The following STIM2 variants were observed in gnomAD, a reference collection of about 807,000 sequenced individuals.
STIM2 encodes stromal interaction molecule 2.
In STIM2, 31 loss-of-function variants were observed where a neutral mutation model predicts 85.8. The ratio of observed to expected loss-of-function variants is 0.36; its 90% CI spans 0.27 to 0.49. STIM2 has a LOEUF of 0.49. Ranked by LOEUF, STIM2 falls within the 20% of genes least tolerant of loss-of-function variation. STIM2 has a pLI of 0.98. For missense variants in STIM2, 841 were observed against 927.6 expected (o/e 0.91, Z 1.21); for synonymous variants, 356 against 331.1 (o/e 1.08, Z -0.82).
intron 2 of STIM2, among the ~76,000 whole-genome samples, chr4:26,930,553 T>C (rs1725169499): frequency 6.6e-6 from 1 of 152,178 alleles, no homozygotes; most frequent in Non-Finnish European, 1.5e-5. Context: ...AAAAGTCCAT[T>C]GTACCTAGTA....
intron 1 of STIM2, among the ~76,000 whole-genome samples, chr4:26,894,803 A>T (rs1432105856): frequency 6.6e-6 from 1 of 152,262 alleles, no homozygotes; most frequent in Non-Finnish European, 1.5e-5. Context: ...AAACTTTGCA[A>T]TTAGCTTGTG....
chr4:26,861,973 G>A (rs1353198159), intron 1 of STIM2, among the ~76,000 whole-genome samples: 1 of 152,174 alleles, frequency 6.6e-6, no homozygotes, highest in Non-Finnish European at 1.5e-5. Flanking sequence ...TTTAAGTGGT[G>A]ATGGAAAGTG....
chr4:26,999,996 T>A (rs1214311499), intron 5 of STIM2, among the ~76,000 whole-genome samples: 1 of 152,188 alleles, frequency 6.6e-6, no homozygotes, highest in East Asian at 1.9e-4. Flanking sequence ...AATTTCAATT[T>A]TTTCAGAAAG....
intron 1 of STIM2, among the ~76,000 whole-genome samples, chr4:26,865,039 C>CA (rs1722349127): frequency 6.6e-6 from 1 of 152,132 alleles, no homozygotes; most frequent in Non-Finnish European, 1.5e-5. Context: ...ACCGTAGACT[C>CA]AAAGTGGATT....
chr4:26,902,023 T>C (rs1490725374), intron 1 of STIM2, among the ~76,000 whole-genome samples: 2 of 152,198 alleles, frequency 1.3e-5, no homozygotes, highest in Admixed American at 6.5e-5. Flanking sequence ...AGTGTGCCTG[T>C]ATTTCATGCT....
chr4:26,979,443 C>A lies in STIM2; in HGVS notation c.398-15936C>A, dbSNP rs190371947. On this transcript the variant is annotated intron_variant, in intron 3 of 11. Coordinates refer to ENST00000467087, the MANE Select transcript of STIM2 (RefSeq NM_020860.4). ...CACACTTCAGTAATATCTAAGAATACCAACTACTGTTACACTTTGTACTGA... is the reference window on the plus strand; with the variant it reads ...CACACTTCAGTAATATCTAAGAATAACAACTACTGTTACACTTTGTACTGA... Among the ~76,000 whole-genome samples the A allele has an allele frequency of 5.2e-3, 791 of 152,234 alleles. 8 individuals are homozygous for A. The highest frequency in any genetic ancestry group is 0.018 in the African/African-American group (767 of 41,524).
At chr4:26,884,043 A>G (rs1723120324) in intron 1 of STIM2, among the ~76,000 whole-genome samples, 1 of 152,228 alleles carries the variant, frequency 6.6e-6, no homozygotes, top group African/African-American at 2.4e-5. Flanking sequence ...TGGGACTGAA[A>G]TAATGGTATT....
At chr4:26,873,467 G>A (rs568605477) in intron 1 of STIM2, 34 of 282,604 alleles carry the variant, frequency 1.2e-4, no homozygotes, top group South Asian at 9.4e-4. Flanking sequence ...AATCATTGTG[G>A]CTAGATGTGG....
intron 1 of STIM2, among the ~76,000 whole-genome samples, chr4:26,888,488 G>C (rs73116652): frequency 0.038 from 5,763 of 152,220 alleles, 246 homozygotes; most frequent in African/African-American, 0.11. Flanking sequence ...CTAAATATTT[G>C]AATACATTCG....
At chr4:26,941,155 C>A (rs891932440) in intron 2 of STIM2, among the ~76,000 whole-genome samples, 4 of 152,146 alleles carry the variant, frequency 2.6e-5, no homozygotes, top group Non-Finnish European at 5.9e-5. Context: ...TTGTACACAT[C>A]CTGTATTCTC....
At position 27,017,970 on chromosome 4, in the gene STIM2, T is replaced by C; in HGVS notation, c.1749T>C (p.Ser583=). 1 of 1,614,078 alleles carries C rather than the reference T, an allele frequency of 6.2e-7. No homozygotes were observed. Among genetic ancestry groups the C allele is most frequent in the South Asian group, 1.1e-5 (1 of 91,082 alleles). The stretch of plus-strand genomic sequence containing the variant: ...AGGAGGAAGAGGCCATTTACTTCTC[T>C]GCTGAAAAGCAATGGTATTGGCAGT... The change falls in exon 11 of 12, where the codon TCT becomes TCC. Residue 583 remains serine (S), a synonymous_variant. Coordinates refer to ENST00000467087, the MANE Select transcript of STIM2 (RefSeq NM_020860.4).
chr4:27,021,040 C>G (rs1560243594), intron 11 of STIM2: 1 of 1,536,476 alleles, frequency 6.5e-7, no homozygotes, highest in Non-Finnish European at 8.7e-7. Flanking sequence ...GTGAATGAGA[C>G]TAAGTAGTAA....
At chr4:27,015,552 C>CAA (rs1235848934) in intron 10 of STIM2, among the ~76,000 whole-genome samples, 1 of 151,928 alleles carries the variant, frequency 6.6e-6, no homozygotes. Flanking sequence ...TTTTCAGTCT[C>CAA]ACTTGAAAGT....
At chr4:26,945,029 T>C (rs1725761692) in intron 2 of STIM2, among the ~76,000 whole-genome samples, 1 of 152,190 alleles carries the variant, frequency 6.6e-6, no homozygotes, top group Non-Finnish European at 1.5e-5. Context: ...GTTGTACAGA[T>C]TATTTCATCA....
chr4:27,002,922 A>C lies in STIM2; in HGVS notation c.804-5A>C. On this transcript the variant is annotated splice_polypyrimidine_tract_variant and splice_region_variant and intron_variant, in intron 6 of 11. Coordinates refer to ENST00000467087, the MANE Select transcript of STIM2 (RefSeq NM_020860.4). Reference sequence around the variant, plus strand: ...GAGGAATTTTTATTTTTATTGTTCTATAAGGCTTGAAAAGGCACAGGAAGA... The same window carrying C: ...GAGGAATTTTTATTTTTATTGTTCTCTAAGGCTTGAAAAGGCACAGGAAGA... 1 of 1,545,986 alleles carries C rather than the reference A, an allele frequency of 6.5e-7. No individual in the cohort carries two copies. The highest frequency in any genetic ancestry group is 8.7e-7 in the Non-Finnish European group (1 of 1,155,642).
At chr4:26,914,991 C>T (rs187417790) in intron 1 of STIM2, among the ~76,000 whole-genome samples, 25 of 152,280 alleles carry the variant, frequency 1.6e-4, no homozygotes, top group African/African-American at 5.8e-4. Context: ...ATGCTGGTGA[C>T]ACTGACCCAT....
At chr4:26,928,184 C>T (rs1443039056) in intron 2 of STIM2, among the ~76,000 whole-genome samples, 1 of 152,070 alleles carries the variant, frequency 6.6e-6, no homozygotes, top group African/African-American at 2.4e-5. Flanking sequence ...GGGTTGGGCC[C>T]TTATGGTCCT....
chr4:27,002,951 CAG>C lies in STIM2; in HGVS notation c.830_831del (p.Arg277LysfsTer16), dbSNP rs1312119716. 3 of 1,581,234 alleles carry C rather than the reference CAG, an allele frequency of 1.9e-6. No individual in the cohort carries two copies. The highest frequency in any genetic ancestry group is 1.2e-5 in the South Asian group (1 of 84,308). On this transcript the variant is annotated frameshift_variant, in exon 7 of 12. Transcript: ENST00000467087. LOFTEE classifies it high-confidence loss of function. ...GGCTTGAAAAGGCACAGGAAGAAAACAGAAATGTTGCTGTAGAAAAGCAAAAT... is the reference window on the plus strand; with the variant it reads ...GGCTTGAAAAGGCACAGGAAGAAAACAAATGTTGCTGTAGAAAAGCAAAAT...
chr4:26,883,550 T>G (rs1018729188), intron 1 of STIM2, among the ~76,000 whole-genome samples: 4 of 152,174 alleles, frequency 2.6e-5, no homozygotes, highest in African/African-American at 9.7e-5. Context: ...TAGTATATGC[T>G]GGGACATTGC....
Sources: gnomAD v4.1 joint callset for allele counts (sites outside exome capture counted in the v4.1 genomes callset) on GRCh38, gnomAD v4.1.1 for gene constraint, MANE v1.5 for transcripts, NCBI Gene and HGNC (gene_info 2026-07-23, HGNC 2026-07-21) for gene names.